The following STAB2 variants were observed in gnomAD, a reference collection of about 807,000 sequenced individuals.
STAB2 encodes stabilin-2.
STAB2 carries 288 observed loss-of-function variants against 338.1 expected under a neutral mutation model. That is an observed-to-expected ratio of 0.85 (90% CI 0.77 to 0.94). The LOEUF is 0.94. STAB2 is among the 40% of genes least tolerant of loss of function. The probability of loss-of-function intolerance (pLI) is 0.00; values close to 1 mark genes in which losing one functional copy is unlikely to be tolerated. For synonymous variants in STAB2, 1,202 were observed against 1,193.3 expected, an observed-to-expected ratio of 1.01 and a Z score of -0.15; for missense variants, 3,141 against 3,210.1, an observed-to-expected ratio of 0.98 and a Z score of 0.52.
intron 19 of STAB2, among the ~76,000 whole-genome samples, chr12:103,667,367 A>G (rs1875210031): frequency 6.6e-6 from 1 of 152,210 alleles, no homozygotes; most frequent in South Asian, 2.1e-4. Flanking sequence ...TGCTTTATGC[A>G]GCAGCCCCAC....
At chr12:103,655,688 A>G (rs1874129643) in intron 15 of STAB2, 107 bp downstream of exon 15, 1 of 1,372,612 alleles carries the variant, frequency 7.3e-7, no homozygotes, top group African/African-American at 1.4e-5. Context: ...TTGTACATGT[A>G]TCACCACCTA....
chr12:103,737,856 G>A, intron 53 of STAB2, 76 bp downstream of exon 53: 1 of 1,571,820 alleles, frequency 6.4e-7, no homozygotes, highest in South Asian at 1.2e-5. Context: ...TGTGGACCCT[G>A]TTGTGAAACC....
At chr12:103,615,265 G>GT (rs1957191734) in intron 3 of STAB2, among the ~76,000 whole-genome samples, 1 of 151,350 alleles carries the variant, frequency 6.6e-6, no homozygotes, top group Middle Eastern at 3.4e-3. Context: ...GAGGAAACAG[G>GT]TGTGATGAAA....
intron 44 of STAB2, among the ~76,000 whole-genome samples, chr12:103,718,965 G>C (rs758730698): frequency 1.3e-5 from 2 of 152,150 alleles, no homozygotes; most frequent in Admixed American, 6.5e-5. Context: ...TCTTGTCTCC[G>C]TTTGCATGTC....
intron 57 of STAB2, 77 bp downstream of exon 57, chr12:103,745,354 G>A: frequency 1.5e-6 from 2 of 1,339,272 alleles, no homozygotes; most frequent in African/African-American, 1.5e-5. Flanking sequence ...AGTGAGGTTG[G>A]GAGTCTGAGT....
chr12:103,636,722 T>C (rs1957553767), intron 6 of STAB2, among the ~76,000 whole-genome samples: 1 of 152,216 alleles, frequency 6.6e-6, no homozygotes, highest in Non-Finnish European at 1.5e-5. Flanking sequence ...AGTTGGCTGA[T>C]GTCAGACTCT....
chr12:103,600,458 C>T (rs1396148903), intron 3 of STAB2, among the ~76,000 whole-genome samples: 1 of 152,202 alleles, frequency 6.6e-6, no homozygotes, highest in Non-Finnish European at 1.5e-5. Flanking sequence ...AGAGGGCACT[C>T]TAGTGCTCCG....
In STAB2 at chr12:103,726,174, T is replaced by C. The variant is rs1336003968; in HGVS notation, c.4851+11T>C. ...TTCTTCCAGTTGCAGGTAGGAAATA[T>C]ACATGTCTGTCTAGCCATAAGAGTT... On this transcript the variant is annotated intron_variant, in intron 46 of 68. Transcript: ENST00000388887. 2.5e-6 allele frequency: 4 copies of C among 1,613,768 alleles called. No individual in the cohort carries two copies. Among genetic ancestry groups the C allele is most frequent in the East Asian group, 2.2e-5 (1 of 44,870 alleles).
At position 103,761,280 on chromosome 12, in the gene STAB2, C is replaced by T. The variant is rs1884518087; in HGVS notation, c.7249-20C>T. The T allele has an allele frequency of 6.2e-7, 1 of 1,610,256 alleles. No homozygotes were observed. Among genetic ancestry groups the T allele is most frequent in the Non-Finnish European group, 8.5e-7 (1 of 1,176,554 alleles). On this transcript the variant is annotated intron_variant, in intron 65 of 68. Coordinates refer to ENST00000388887, the MANE Select transcript of STAB2 (RefSeq NM_017564.10). ...CCACTCGGAGAGTAAAAGCCATCAA[C>T]CCTCTTCTCATTTCCCTAGACGGAG...
intron 1 of STAB2, among the ~76,000 whole-genome samples, chr12:103,588,508 C>CCAT (rs562415897): frequency 1.1e-3 from 165 of 152,118 alleles, no homozygotes; most frequent in African/African-American, 3.6e-3. Context: ...TTCTTAATCA[C>CCAT]CATCATCATC....
chr12:103,760,121 C>A (rs1431039193), intron 65 of STAB2, among the ~76,000 whole-genome samples: 1 of 152,146 alleles, frequency 6.6e-6, no homozygotes. Flanking sequence ...TCTTCTGGAA[C>A]AGAAGGGGCA....
chr12:103,734,899 T>A (rs1246861481), intron 51 of STAB2, among the ~76,000 whole-genome samples: 4 of 152,178 alleles, frequency 2.6e-5, no homozygotes, highest in Admixed American at 2.6e-4. Flanking sequence ...TTGTAGTGTA[T>A]CCCTCCAATC....
intron 34 of STAB2, among the ~76,000 whole-genome samples, chr12:103,702,550 C>T (rs1878991827): frequency 6.6e-6 from 1 of 152,196 alleles, no homozygotes; most frequent in African/African-American, 2.4e-5. Flanking sequence ...CCACCCGCCT[C>T]GGCCTCCCAA....
intron 35 of STAB2, among the ~76,000 whole-genome samples, chr12:103,703,635 G>A (rs1258163046): frequency 6.6e-6 from 1 of 152,152 alleles, no homozygotes; most frequent in Non-Finnish European, 1.5e-5. Flanking sequence ...CAGGCACAGG[G>A]TAGGAACCAT....
chr12:103,607,707 G>A (rs537974894), intron 3 of STAB2, among the ~76,000 whole-genome samples: 236 of 152,242 alleles, frequency 1.6e-3, no homozygotes, highest in African/African-American at 5.4e-3. Context: ...CCCTACAAAG[G>A]ACATGAACTC....
rs556012118 is a variant in STAB2, at chr12:103,747,003, C to A, written c.6244+299C>A. Reference sequence around the variant, plus strand: ...TGGACTTTCACGCTTGTTGCCCAGGCTGGAGTGCAATGGTGCAATCTTGGC... The same window carrying A: ...TGGACTTTCACGCTTGTTGCCCAGGATGGAGTGCAATGGTGCAATCTTGGC... On this transcript the variant is annotated intron_variant, in intron 58 of 68. Transcript: ENST00000388887. Among the ~76,000 whole-genome samples, 6 of 134,382 alleles carry A rather than the reference C, an allele frequency of 4.5e-5. No individual in the cohort carries two copies. In the South Asian group the frequency reaches 1.1e-3, roughly 25 times the overall value. 88.2% of individuals were successfully genotyped at this position (134,382 alleles called of 152,430 possible).
chr12:103,746,837 G>A (rs1883078558), intron 58 of STAB2, 133 bp downstream of exon 58: 1 of 790,826 alleles, frequency 1.3e-6, no homozygotes, highest in Non-Finnish European at 2.1e-6. Context: ...CCCTCTCTAT[G>A]ACTCAGTTTC....
At chr12:103,635,244 C>G (rs1203901460) in intron 6 of STAB2, among the ~76,000 whole-genome samples, 2 of 152,220 alleles carry the variant, frequency 1.3e-5, no homozygotes, top group Non-Finnish European at 2.9e-5. Flanking sequence ...CTCTCAGCTC[C>G]AAAGCCACCC....
chr12:103,648,828 G>T lies in STAB2; in HGVS notation c.1174+5G>T, dbSNP rs202192637. On this transcript the variant is annotated splice_donor_5th_base_variant and intron_variant, in intron 10 of 68. Transcript: ENST00000388887. ...CCTCTTTCATCTCACTCCTAGGTAC[G>T]CAGCTATGGGTACAGATTTCCACAC... 1.2e-6 allele frequency: 2 copies of T among 1,612,996 alleles called. No homozygotes were observed. The highest frequency in any genetic ancestry group is 1.1e-5 in the South Asian group (1 of 90,900).
Sources: allele counts gnomAD v4.1 joint callset (sites outside exome capture counted in the v4.1 genomes callset), GRCh38; gene constraint gnomAD v4.1.1; transcripts MANE v1.5; gene names NCBI Gene and HGNC (gene_info 2026-07-23, HGNC 2026-07-21).